RIMS1: variants seen among roughly 807,000 people sequenced by gnomAD.
RIMS1 encodes regulating synaptic membrane exocytosis 1, also known as regulating synaptic membrane exocytosis protein 1.
In RIMS1, 83 loss-of-function variants were observed where a neutral mutation model predicts 214.1. That is an observed-to-expected ratio of 0.39 (90% CI 0.32 to 0.47). The LOEUF (loss-of-function observed/expected upper bound fraction) is 0.47. Among genes scored for constraint, RIMS1 ranks in the 20% least tolerant of loss-of-function variants. RIMS1 has a pLI of 0.99. For missense variants in RIMS1, 2,050 were observed against 2,161.8 expected, an observed-to-expected ratio of 0.95 and a Z score of 1.03; for synonymous variants, 793 against 786.8, an observed-to-expected ratio of 1.01 and a Z score of -0.13.
intron 2 of RIMS1, among the ~76,000 whole-genome samples, chr6:71,997,774 G>A (rs527857154): frequency 5.9e-5 from 9 of 152,086 alleles, no homozygotes; most frequent in Non-Finnish European, 8.8e-5. Flanking sequence ...TAGAATCTCA[G>A]AGTTTTTAAA....
At chr6:72,028,504 G>C (rs528807517) in intron 2 of RIMS1, among the ~76,000 whole-genome samples, 119 of 152,274 alleles carry the variant, frequency 7.8e-4, no homozygotes, top group African/African-American at 2.7e-3. Context: ...TGGAAGCTGA[G>C]TAATGTTTGA....
intron 29 of RIMS1, among the ~76,000 whole-genome samples, chr6:72,376,311 A>G (rs1247219634): frequency 6.6e-6 from 1 of 152,162 alleles, no homozygotes; most frequent in African/African-American, 2.4e-5. Context: ...TCCATGAGGA[A>G]TATTTTGTCT....
intron 29 of RIMS1, among the ~76,000 whole-genome samples, chr6:72,339,907 T>A (rs1341587152): frequency 6.6e-6 from 1 of 151,938 alleles, no homozygotes; most frequent in Non-Finnish European, 1.5e-5. Flanking sequence ...ACCAACAGTG[T>A]AAAAGTGTTC....
At chr6:72,360,759 AAGAT>A in intron 29 of RIMS1, among the ~76,000 whole-genome samples, 1 of 149,900 alleles carries the variant, frequency 6.7e-6, no homozygotes, top group African/African-American at 2.4e-5. Context: ...CTATCTAAAA[AAGAT>A]AGGAAAAAAG....
At chr6:72,172,942 C>G (rs770346946) in intron 4 of RIMS1, among the ~76,000 whole-genome samples, 1 of 152,118 alleles carries the variant, frequency 6.6e-6, no homozygotes, top group Non-Finnish European at 1.5e-5. Context: ...TGGGACTTCC[C>G]TTAACATTTG....
chr6:72,101,681 T>C (rs1225185391), intron 4 of RIMS1, among the ~76,000 whole-genome samples: 2 of 151,938 alleles, frequency 1.3e-5, no homozygotes, highest in African/African-American at 2.4e-5. Flanking sequence ...TACATTCTAC[T>C]TGATCTGTTA....
chr6:71,912,609 A>G (rs912916059), intron 1 of RIMS1, among the ~76,000 whole-genome samples: 1 of 152,134 alleles, frequency 6.6e-6, no homozygotes, highest in African/African-American at 2.4e-5. Context: ...GACTCGTTGC[A>G]ATGACCAAGA....
chr6:72,279,579 A>C (rs947667060), intron 23 of RIMS1, among the ~76,000 whole-genome samples: 4 of 152,176 alleles, frequency 2.6e-5, no homozygotes, highest in African/African-American at 9.6e-5. Flanking sequence ...AAGATAAAAA[A>C]TTTATGCCAG....
At chr6:72,175,576 G>C (rs1272321778) in intron 4 of RIMS1, among the ~76,000 whole-genome samples, 1 of 152,016 alleles carries the variant, frequency 6.6e-6, no homozygotes, top group Non-Finnish European at 1.5e-5. Flanking sequence ...GGGAGGCTGG[G>C]GCAGGAGAAT....
Position 72,131,379 on chromosome 6 carries a change from A to C in RIMS1, c.471+31393A>C, listed in dbSNP as rs146112565. Among the ~76,000 whole-genome samples the C allele has an allele frequency of 4.3e-3, 662 of 152,296 alleles. 7 individuals carry two copies. Among genetic ancestry groups the C allele is most frequent in the African/African-American group, 0.016 (646 of 41,564 alleles). On this transcript the variant is annotated intron_variant, in intron 4 of 33. Coordinates refer to ENST00000521978, the MANE Select transcript of RIMS1 (RefSeq NM_014989.7). ...CGTAGGTTCTTTTCTGTTTTCCCTA[A>C]GTGTCGGCAGGTTTGAGAAATAAAG...
intron 1 of RIMS1, among the ~76,000 whole-genome samples, chr6:71,961,580 C>G (rs1792968834): frequency 6.6e-6 from 1 of 152,128 alleles, no homozygotes; most frequent in Non-Finnish European, 1.5e-5. Flanking sequence ...TATTTCTCTT[C>G]AGCCCACTGC....
chr6:72,217,302 A>C (rs2154025026), intron 6 of RIMS1: 1 of 1,411,874 alleles, frequency 7.1e-7, no homozygotes, highest in South Asian at 1.3e-5. Context: ...TTATTGTTTA[A>C]TTATCCAAAA....
At chr6:72,028,441 G>A (rs1817161941) in intron 2 of RIMS1, among the ~76,000 whole-genome samples, 1 of 152,116 alleles carries the variant, frequency 6.6e-6, no homozygotes, top group Non-Finnish European at 1.5e-5. Flanking sequence ...ATTTTGCAGT[G>A]TGAAATTTCA....
At chr6:72,265,526 T>G in intron 21 of RIMS1, 23 bp downstream of exon 21, 3 of 1,329,020 alleles carry the variant, frequency 2.3e-6, no homozygotes, top group South Asian at 1.2e-5. Flanking sequence ...GGAAGTGATA[T>G]CTTCCGTTTC....
intron 2 of RIMS1, among the ~76,000 whole-genome samples, chr6:72,060,849 C>A (rs1192920834): frequency 6.6e-6 from 1 of 152,186 alleles, no homozygotes; most frequent in Admixed American, 6.5e-5. Flanking sequence ...TGGACAGGGT[C>A]TAAATCTTGT....
At chr6:72,000,591 C>T (rs1055014258) in intron 2 of RIMS1, among the ~76,000 whole-genome samples, 5 of 152,114 alleles carry the variant, frequency 3.3e-5, no homozygotes, top group Non-Finnish European at 7.3e-5. Context: ...TACTGCTGTT[C>T]TATCTTCCTT....
chr6:71,959,129 T>G (rs1293102241), intron 1 of RIMS1, among the ~76,000 whole-genome samples: 1 of 152,128 alleles, frequency 6.6e-6, no homozygotes, highest in African/African-American at 2.4e-5. Flanking sequence ...AGGTGTATAT[T>G]TCTCATGTGG....
At chr6:72,072,358 C>T (rs1246745821) in intron 2 of RIMS1, among the ~76,000 whole-genome samples, 1 of 152,092 alleles carries the variant, frequency 6.6e-6, no homozygotes, top group Non-Finnish European at 1.5e-5. Flanking sequence ...GACAGAGCCA[C>T]ATAAAACATC....
chr6:72,120,430 T>G (rs193141983), intron 4 of RIMS1, among the ~76,000 whole-genome samples: 103 of 152,100 alleles, frequency 6.8e-4, no homozygotes, highest in Non-Finnish European at 1.6e-4. Flanking sequence ...TTTCATGTGT[T>G]TGTTGGCTGC....
Sources: gnomAD v4.1 joint callset for allele counts (sites outside exome capture counted in the v4.1 genomes callset) on GRCh38, gnomAD v4.1.1 for gene constraint, MANE v1.5 for transcripts, NCBI Gene and HGNC (gene_info 2026-07-23, HGNC 2026-07-21) for gene names.